The following PITPNC1 variants were observed in gnomAD, a reference collection of about 807,000 sequenced individuals.
PITPNC1 encodes phosphatidylinositol transfer protein cytoplasmic 1, also known as cytoplasmic phosphatidylinositol transfer protein 1.
Under a neutral mutation model 44.7 loss-of-function variants are expected in PITPNC1, and 18 were observed. The ratio of observed to expected loss-of-function variants is 0.40; its 90% confidence interval spans 0.28 to 0.60. The LOEUF is 0.60. Among genes scored for constraint, PITPNC1 ranks in the 20% least tolerant of loss-of-function variants. PITPNC1 has a pLI of 0.39. For missense variants in PITPNC1, 290 were observed against 418.4 expected, an observed-to-expected ratio of 0.69 and a Z score of 2.68; for synonymous variants, 141 against 149.6, an observed-to-expected ratio of 0.94 and a Z score of 0.42.
At chr17:67,585,917 A>T (rs1434862533) in intron 5 of PITPNC1, among the ~76,000 whole-genome samples, 1 of 152,166 alleles carries the variant, frequency 6.6e-6, no homozygotes, top group Non-Finnish European at 1.5e-5. Context: ...AGGCACATTG[A>T]TCTTGGACTT....
chr17:67,688,268 G>T (rs1344496950), intron 8 of PITPNC1, among the ~76,000 whole-genome samples: 1 of 140,578 alleles, frequency 7.1e-6, no homozygotes, highest in Non-Finnish European at 1.5e-5. Context: ...AACCTGGGAG[G>T]CAGAGGTTGC....
chr17:67,402,093 C>T (rs2038323847), intron 1 of PITPNC1, among the ~76,000 whole-genome samples: 1 of 152,162 alleles, frequency 6.6e-6, no homozygotes, highest in Non-Finnish European at 1.5e-5. Context: ...GCCGTAAGGT[C>T]TCTGTTGCAA....
chr17:67,602,761 G>A (rs955871460), intron 5 of PITPNC1, among the ~76,000 whole-genome samples: 9 of 152,082 alleles, frequency 5.9e-5, no homozygotes, highest in African/African-American at 2.2e-4. Flanking sequence ...TTGGGGGGAT[G>A]GATCTTGCTC....
chr17:67,494,990 GCAA>G lies in PITPNC1; in HGVS notation c.49-37802_49-37800del, dbSNP rs1218214993. Among the ~76,000 whole-genome samples the G allele has an allele frequency of 3.7e-5, 5 of 135,296 alleles. 1 individual carries two copies. Among genetic ancestry groups the G allele is most frequent in the South Asian group, 2.6e-4 (1 of 3,776 alleles). 88.8% of individuals were successfully genotyped at this position (135,296 alleles called of 152,430 possible). ...CGTCTCAAACTGGCAAAAAAAAACAGCAACAACAACAAGTAGAAGTAAACTTTG... is the reference window on the plus strand; with the variant it reads ...CGTCTCAAACTGGCAAAAAAAAACAGCAACAACAAGTAGAAGTAAACTTTG... On this transcript the variant is annotated intron_variant, in intron 1 of 8. Coordinates refer to ENST00000581322, the MANE Select transcript of PITPNC1 (RefSeq NM_012417.4).
chr17:67,566,231 G>T (rs1196946018), intron 4 of PITPNC1, among the ~76,000 whole-genome samples: 2 of 151,884 alleles, frequency 1.3e-5, no homozygotes, highest in Admixed American at 6.6e-5. Flanking sequence ...TGATACAGGG[G>T]CTTGCTCTGT....
chr17:67,403,216 T>TAGAAAAA (rs1567976494), intron 1 of PITPNC1, among the ~76,000 whole-genome samples: 1 of 10,118 alleles, frequency 9.9e-5, no homozygotes, highest in Non-Finnish European at 1.9e-4. Flanking sequence ...ACCTCATCTC[T>TAGAAAAA]ACAAAAAAAA....
At chr17:67,578,354 C>A in intron 5 of PITPNC1, 97 bp downstream of exon 5, 1 of 820,384 alleles carries the variant, frequency 1.2e-6, no homozygotes, top group Non-Finnish European at 2.1e-6. Context: ...AGCAGTGGGA[C>A]CTGTGCCTGG....
At chr17:67,539,921 T>C (rs1055163780) in intron 2 of PITPNC1, among the ~76,000 whole-genome samples, 4 of 152,214 alleles carry the variant, frequency 2.6e-5, no homozygotes, top group African/African-American at 9.6e-5. Flanking sequence ...ATATGCATAA[T>C]ATTACTACAT....
chr17:67,578,574 T>C (rs943691226), intron 5 of PITPNC1, among the ~76,000 whole-genome samples: 1 of 152,202 alleles, frequency 6.6e-6, no homozygotes, highest in Non-Finnish European at 1.5e-5. Flanking sequence ...TTTTGATCAT[T>C]GGACAGAGTA....
In PITPNC1 at chr17:67,560,210, A is replaced by C. The variant is rs193161999; in HGVS notation, c.294+6593A>C. ...AGGGATCTTGGATTTTGCAAGGCCA[A>C]TCTTTTAAGACTTAGAGGTGTTCCA... On this transcript the variant is annotated intron_variant, in intron 4 of 8. Coordinates refer to ENST00000581322, the MANE Select transcript of PITPNC1 (RefSeq NM_012417.4). Among the ~76,000 whole-genome samples, 20 of 152,322 alleles carry C rather than the reference A, an allele frequency of 1.3e-4. No homozygotes were observed. The East Asian group carries it at 2.7e-3, about 21-fold the overall frequency.
intron 1 of PITPNC1, among the ~76,000 whole-genome samples, chr17:67,477,586 GACA>G (rs2039648567): frequency 6.6e-6 from 1 of 151,304 alleles, no homozygotes; most frequent in Non-Finnish European, 1.5e-5. Flanking sequence ...TTTTGGTAGA[GACA>G]GGGTCTTGCT....
At chr17:67,418,835 A>G (rs2038624125) in intron 1 of PITPNC1, among the ~76,000 whole-genome samples, 1 of 152,174 alleles carries the variant, frequency 6.6e-6, no homozygotes, top group Non-Finnish European at 1.5e-5. Flanking sequence ...TGCCGGGATT[A>G]CAGGCGTGAG....
chr17:67,625,807 A>G (rs1264772763), intron 5 of PITPNC1, among the ~76,000 whole-genome samples: 1 of 152,088 alleles, frequency 6.6e-6, no homozygotes, highest in Non-Finnish European at 1.5e-5. Flanking sequence ...AAGGAATGTT[A>G]ATGGTCACCT....
chr17:67,496,452 A>G (rs766505070), intron 1 of PITPNC1, among the ~76,000 whole-genome samples: 2 of 152,128 alleles, frequency 1.3e-5, no homozygotes, highest in Non-Finnish European at 2.9e-5. Flanking sequence ...TCTAAAGGTT[A>G]TTGCTCGTCT....
At chr17:67,471,745 T>C (rs934341733) in intron 1 of PITPNC1, among the ~76,000 whole-genome samples, 1 of 151,934 alleles carries the variant, frequency 6.6e-6, no homozygotes, top group African/African-American at 2.4e-5. Flanking sequence ...AATATCGTAC[T>C]AATTATGATA....
At chr17:67,487,839 C>T (rs919133320) in intron 1 of PITPNC1, among the ~76,000 whole-genome samples, 6 of 152,088 alleles carry the variant, frequency 3.9e-5, no homozygotes, top group African/African-American at 1.4e-4. Flanking sequence ...GGATCAGCCT[C>T]CAGGGCCTAA....
chr17:67,530,806 G>A (rs2040451352), intron 1 of PITPNC1, among the ~76,000 whole-genome samples: 1 of 152,170 alleles, frequency 6.6e-6, no homozygotes, highest in Non-Finnish European at 1.5e-5. Context: ...GATCTCACAG[G>A]TAGAGCTCAC....
intron 1 of PITPNC1, among the ~76,000 whole-genome samples, chr17:67,461,891 G>A (rs1432391072): frequency 1.3e-5 from 2 of 152,144 alleles, no homozygotes; most frequent in Non-Finnish European, 2.9e-5. Flanking sequence ...CGATAGGCAA[G>A]GAATCTGAAG....
intron 1 of PITPNC1, among the ~76,000 whole-genome samples, chr17:67,425,110 T>A (rs1003079671): frequency 6.6e-6 from 1 of 151,752 alleles, no homozygotes; most frequent in African/African-American, 2.4e-5. Context: ...TAAGAACTAA[T>A]GATAATCCAC....
Sources: allele counts gnomAD v4.1 joint callset (sites outside exome capture counted in the v4.1 genomes callset), GRCh38; gene constraint gnomAD v4.1.1; transcripts MANE v1.5; gene names NCBI Gene and HGNC (gene_info 2026-07-23, HGNC 2026-07-21).